Variants in PTPRD observed in about 807,000 individuals in gnomAD.
PTPRD encodes receptor-type tyrosine-protein phosphatase delta.
In PTPRD, 34 loss-of-function variants were observed where a neutral mutation model predicts 214.5. That is an observed-to-expected ratio of 0.16 (90% confidence interval 0.12 to 0.21). PTPRD has a LOEUF of 0.21. Among genes scored for constraint, PTPRD ranks in the 10% least tolerant of loss-of-function variants. The pLI is 1.00. For missense variants in PTPRD, 2,545 were observed against 2,398.7 expected, an observed-to-expected ratio of 1.06 and a Z score of -1.27; for synonymous variants, 1,128 against 845.7, an observed-to-expected ratio of 1.33 and a Z score of -5.79.
At chr9:10,060,871 TCCTTCCTTC>T (rs2097758942) in intron 3 of PTPRD, among the ~76,000 whole-genome samples, 1 of 71,156 alleles carries the variant, frequency 1.4e-5, no homozygotes, top group African/African-American at 1.6e-4. Flanking sequence ...CTTCCTTCTT[TCCTTCCTTC>T]CTTCCTTCCT....
intron 9 of PTPRD, among the ~76,000 whole-genome samples, chr9:9,247,338 G>A (rs1300076195): frequency 1.3e-5 from 2 of 151,790 alleles, no homozygotes; most frequent in Non-Finnish European, 2.9e-5. Flanking sequence ...TTTCTACCTG[G>A]CTGTCCACTC....
intron 6 of PTPRD, among the ~76,000 whole-genome samples, chr9:9,743,827 TC>T (rs1422435093): frequency 6.6e-6 from 1 of 151,764 alleles, no homozygotes; most frequent in Non-Finnish European, 1.5e-5. Context: ...TTCGATGATT[TC>T]TATTTGACTC....
chr9:10,539,730 C>T (rs564529228), intron 2 of PTPRD, among the ~76,000 whole-genome samples: 15 of 152,266 alleles, frequency 9.9e-5, no homozygotes, highest in Non-Finnish European at 1.5e-4. Flanking sequence ...GCTGTGGACC[C>T]TCTTTGCTCT....
At chr9:8,940,280 C>CTTTTTTT (rs34342718) in intron 11 of PTPRD, among the ~76,000 whole-genome samples, 4,098 of 88,584 alleles carry the variant, frequency 0.046, 529 homozygotes, top group Non-Finnish European at 0.065. Flanking sequence ...TCTCTCTCTC[C>CTTTTTTT]TTTTTTTTTT....
chr9:9,846,955 C>T (rs1363049561), intron 5 of PTPRD, among the ~76,000 whole-genome samples: 1 of 151,972 alleles, frequency 6.6e-6, no homozygotes. Context: ...GTAAAACTAG[C>T]AGGGAGAATA....
intron 9 of PTPRD, among the ~76,000 whole-genome samples, chr9:9,335,764 C>G (rs2044196517): frequency 6.6e-6 from 1 of 152,056 alleles, no homozygotes; most frequent in Non-Finnish European, 1.5e-5. Context: ...ATTCAATCCT[C>G]TCTTTTACAA....
chr9:9,310,833 T>G (rs369307238), intron 9 of PTPRD, among the ~76,000 whole-genome samples: 300 of 151,682 alleles, frequency 2.0e-3, no homozygotes, highest in African/African-American at 6.9e-3. Flanking sequence ...CAGTAGAATC[T>G]CTTGAACCCA....
At chr9:10,153,620 T>C (rs892945736) in intron 3 of PTPRD, among the ~76,000 whole-genome samples, 1 of 152,084 alleles carries the variant, frequency 6.6e-6, no homozygotes, top group Non-Finnish European at 1.5e-5. Flanking sequence ...AGGTTTCTTG[T>C]ACAGATTATT....
At chr9:9,292,267 T>G (rs1951420619) in intron 9 of PTPRD, among the ~76,000 whole-genome samples, 1 of 151,332 alleles carries the variant, frequency 6.6e-6, no homozygotes, top group African/African-American at 2.4e-5. Context: ...AACTGGTTCT[T>G]TATCTCTATT....
intron 2 of PTPRD, among the ~76,000 whole-genome samples, chr9:10,430,185 G>C (rs948455409): frequency 5.3e-5 from 8 of 151,844 alleles, no homozygotes; most frequent in African/African-American, 1.9e-4. Flanking sequence ...TTCAGACTAA[G>C]AAATTTAGAA....
At position 9,994,978 on chromosome 9, in the gene PTPRD, A is replaced by G. The variant is rs2096071471; in HGVS notation, c.-472+38740T>C. Among the ~76,000 whole-genome samples the G allele has an allele frequency of 2.6e-5, 4 of 152,256 alleles. No individual in the cohort carries two copies. The South Asian group carries it at 8.3e-4, about 32-fold the overall frequency. ...TATTCCTTTAGTACATTTAAAATTT[A>G]AAAGCTTAAAAACAGGTACATTTAC... On this transcript the variant is annotated intron_variant, in intron 4 of 45. Coordinates refer to ENST00000381196, the MANE Select transcript of PTPRD (RefSeq NM_002839.4).
intron 8 of PTPRD, among the ~76,000 whole-genome samples, chr9:9,480,914 G>A (rs750318794): frequency 6.6e-6 from 1 of 152,108 alleles, no homozygotes; most frequent in Non-Finnish European, 1.5e-5. Context: ...CTGTCTACAG[G>A]CTTCCTTCAT....
intron 12 of PTPRD, among the ~76,000 whole-genome samples, chr9:8,711,895 G>C (rs2098341498): frequency 6.6e-6 from 1 of 152,186 alleles, no homozygotes; most frequent in African/African-American, 2.4e-5. Flanking sequence ...ATTGATTTAT[G>C]CAACAACATG....
intron 11 of PTPRD, among the ~76,000 whole-genome samples, chr9:8,926,078 A>G (rs972338778): frequency 6.6e-6 from 1 of 151,912 alleles, no homozygotes; most frequent in African/African-American, 2.4e-5. Flanking sequence ...ATGCCTCATC[A>G]CACGATTTCT....
At chr9:9,087,341 A>G (rs2099768554) in intron 10 of PTPRD, among the ~76,000 whole-genome samples, 1 of 152,162 alleles carries the variant, frequency 6.6e-6, no homozygotes, top group African/African-American at 2.4e-5. Context: ...ACAAATAATA[A>G]AATTATAATT....
At chr9:9,873,649 C>A (rs184216536) in intron 5 of PTPRD, among the ~76,000 whole-genome samples, 2 of 152,080 alleles carry the variant, frequency 1.3e-5, no homozygotes, top group Non-Finnish European at 2.9e-5. Context: ...AATATAACAG[C>A]AAATTAGAAT....
At chr9:9,046,796 AC>A (rs1273719288) in intron 10 of PTPRD, among the ~76,000 whole-genome samples, 1 of 152,140 alleles carries the variant, frequency 6.6e-6, no homozygotes, top group Non-Finnish European at 1.5e-5. Flanking sequence ...TTTACAACAT[AC>A]CCTTAGCTAG....
intron 7 of PTPRD, among the ~76,000 whole-genome samples, chr9:9,649,577 C>A (rs1168520206): frequency 2.6e-5 from 4 of 152,326 alleles, no homozygotes; most frequent in African/African-American, 9.6e-5. Context: ...ATCTACCCTA[C>A]TTTGAGTGAG....
rs116032673 is a variant in PTPRD at position 9,786,239 on chromosome 9, C to T, written c.-367-19388G>A. Among the ~76,000 whole-genome samples, 674 of 92,886 alleles carry T rather than the reference C, an allele frequency of 7.3e-3. 4 individuals are homozygous for T. The highest frequency in any genetic ancestry group is 0.038 in the African/African-American group (635 of 16,822). 60.9% of individuals were successfully genotyped at this position (92,886 alleles called of 152,430 possible). ...AGATGATTACATTTACCTGCATAAA[C>T]TAATGAAAACTAGAAAAATTTACAT... On this transcript the variant is annotated intron_variant, in intron 5 of 45. Transcript: ENST00000381196.
Sources: gnomAD v4.1 joint callset for allele counts (sites outside exome capture counted in the v4.1 genomes callset) on GRCh38, gnomAD v4.1.1 for gene constraint, MANE v1.5 for transcripts, NCBI Gene and HGNC (gene_info 2026-07-23, HGNC 2026-07-21) for gene names.